Variants in MAP6D1 observed in about 807,000 individuals in gnomAD.
The protein encoded by MAP6D1 is MAP6 domain-containing protein 1.
A neutral mutation model predicts 17.4 loss-of-function variants in MAP6D1; 13 were observed. The observed-to-expected ratio is 0.75, with a 90% CI of 0.49 to 1.19. The LOEUF is 1.19. Among genes scored for constraint, MAP6D1 ranks in the 50% most tolerant of loss-of-function variants. MAP6D1 has a pLI of 0.00. For synonymous variants in MAP6D1, 141 were observed against 145.7 expected (o/e 0.97, Z 0.23); for missense variants, 313 against 312.6 (o/e 1.00, Z -0.01).
Position 183,825,277 on chromosome 3 carries a change from G to A in MAP6D1, c.271C>T (p.Pro91Ser), listed in dbSNP as rs1162352794. Residue 91 changes from proline to serine, a missense_variant, in exon 1 of 3, where the codon CCG becomes TCG. By Grantham distance (74) the Pro-to-Ser change is moderately conservative. Transcript: ENST00000318631. ...TTGCCCCTGCGGCCGCCCGCCCCCG[G>A]TCCGCGCCCCGGCGGCGGATCCTTG... Reference protein sequence around the residue: ...GPKDPPPGRGPGAGGRRGKSS... With the variant: ...GPKDPPPGRGSGAGGRRGKSS... 4 of 1,342,622 alleles carry A rather than the reference G, an allele frequency of 3.0e-6. No homozygotes were observed. Among genetic ancestry groups the A allele is most frequent in the East Asian group, 3.1e-5 (1 of 32,084 alleles). The allele number at this position is 1,342,622 out of a possible 1,614,324, so 83.2% of individuals were successfully genotyped here. A position where few individuals can be genotyped will look rare whatever the true frequency, so the allele number is the denominator to read the frequency against.
chr3:183,817,838 T>A (rs1727152589), intron 2 of MAP6D1, among the ~76,000 whole-genome samples, 156 bp downstream of exon 2: 1 of 152,210 alleles, frequency 6.6e-6, no homozygotes, highest in South Asian at 2.1e-4. Context: ...TGGCTACTGA[T>A]GAGGAAGTAC....
intron 1 of MAP6D1, among the ~76,000 whole-genome samples, chr3:183,822,428 C>G (rs1727282947): frequency 6.6e-6 from 1 of 151,816 alleles, no homozygotes. Flanking sequence ...GCAACAGCAG[C>G]AACAACAACA....
intron 1 of MAP6D1, among the ~76,000 whole-genome samples, chr3:183,818,499 G>C (rs552155040): frequency 6.6e-6 from 1 of 152,268 alleles, no homozygotes; most frequent in South Asian, 2.1e-4. Flanking sequence ...TCTTGGAGAC[G>C]AGCAGCCCCG....
chr3:183,818,509 G>A (rs919816747), intron 1 of MAP6D1, among the ~76,000 whole-genome samples: 6 of 152,122 alleles, frequency 3.9e-5, no homozygotes, highest in African/African-American at 1.2e-4. Context: ...GAGCAGCCCC[G>A]GTGCTATACC....
chr3:183,823,432 T>TC (rs1727304433), intron 1 of MAP6D1, among the ~76,000 whole-genome samples: 1 of 151,624 alleles, frequency 6.6e-6, no homozygotes, highest in African/African-American at 2.4e-5. Context: ...AAACCCCATC[T>TC]CTACTAAAAA....
chr3:183,818,137 C>T, intron 1 of MAP6D1, 26 bp from the exon 2 acceptor site: 1 of 1,599,562 alleles, frequency 6.3e-7, no homozygotes, highest in Non-Finnish European at 8.6e-7. Context: ...CGGTCACAAG[C>T]TTGCACAGGG....
chr3:183,818,338 C>T (rs766334942), intron 1 of MAP6D1, among the ~76,000 whole-genome samples: 1 of 152,222 alleles, frequency 6.6e-6, no homozygotes, highest in African/African-American at 2.4e-5. Context: ...CTCACCTCAG[C>T]GATCCACTGG....
At position 183,825,525 on chromosome 3, in the gene MAP6D1, C is replaced by G; in HGVS notation, c.23G>C (p.Arg8Pro). ...CCAGCGCCGCGCCAGGCAGCACAGG[C>G]GGCTGATACAGGGCCACGCCATGCC... MAWPCISRLCCLARRWNQ... is the reference protein window; with the variant it reads MAWPCISPLCCLARRWNQ... Residue 8 changes from arginine (R) to proline (P), a missense_variant, in exon 1 of 3, where the codon CGC (arginine) becomes CCC (proline). Coordinates refer to ENST00000318631, the MANE Select transcript of MAP6D1 (RefSeq NM_024871.4). 1 of 1,381,752 alleles carries G rather than the reference C, an allele frequency of 7.2e-7. No homozygotes were observed. Among genetic ancestry groups the G allele is most frequent in the South Asian group, 1.6e-5 (1 of 63,828 alleles). 85.6% of individuals were successfully genotyped at this position (1,381,752 alleles called of 1,614,324 possible).
In MAP6D1 at chr3:183,818,114, G is replaced by C. The variant is rs2313446; in HGVS notation, c.402-3C>G. 3 of 1,612,740 alleles carry C rather than the reference G, an allele frequency of 1.9e-6. No individual in the cohort carries two copies. The Admixed American group carries it at 5.0e-5, about 27-fold the overall frequency. On this transcript the variant is annotated splice_region_variant and splice_polypyrimidine_tract_variant and intron_variant, in intron 1 of 2. Coordinates refer to ENST00000318631, the MANE Select transcript of MAP6D1 (RefSeq NM_024871.4). Reference sequence around the variant, plus strand: ...CAGTCCAAGCCTGGAATTCCTGTCTGGAACAGAGAACACGGTCACAAGCTT... The same window carrying C: ...CAGTCCAAGCCTGGAATTCCTGTCTCGAACAGAGAACACGGTCACAAGCTT...
At position 183,817,181 on chromosome 3, in the gene MAP6D1, G is replaced by C. The variant is rs761059739; in HGVS notation, c.*175C>G. 3.2e-6 allele frequency: 2 copies of C among 620,192 alleles called. No individual in the cohort carries two copies. The highest frequency in any genetic ancestry group is 5.7e-6 in the Non-Finnish European group (2 of 351,276). The allele number at this position is 620,192 out of a possible 1,614,324, so 38.4% of individuals were successfully genotyped here. On this transcript the variant is annotated 3_prime_UTR_variant, in exon 3 of 3. Coordinates refer to ENST00000318631, the MANE Select transcript of MAP6D1 (RefSeq NM_024871.4). ...CTTGAGGCTGAGCTGGGTGTGCCAA[G>C]TCCATCGGTGCATCTGCTCCACACC...
chr3:183,818,652 C>T (rs566745661), intron 1 of MAP6D1, among the ~76,000 whole-genome samples: 97 of 152,326 alleles, frequency 6.4e-4, no homozygotes, highest in East Asian at 2.5e-3. Context: ...TTGCCAGACC[C>T]GCTTAAGACT....
intron 2 of MAP6D1, 97 bp downstream of exon 2, chr3:183,817,897 T>C (rs1727154123): frequency 5.2e-6 from 5 of 959,814 alleles, no homozygotes; most frequent in Non-Finnish European, 8.2e-6. Flanking sequence ...TCCCTGGTCA[T>C]AATTGCATTT....
intron 1 of MAP6D1, among the ~76,000 whole-genome samples, chr3:183,824,770 C>A (rs80293073): frequency 6.6e-6 from 1 of 152,222 alleles, no homozygotes; most frequent in African/African-American, 2.4e-5. Context: ...CCGGAGAGAG[C>A]TGGGGGACAT....
intron 2 of MAP6D1, 147 bp from the exon 3 acceptor site, chr3:183,817,583 C>T: frequency 1.4e-6 from 1 of 701,798 alleles, no homozygotes; most frequent in Non-Finnish European, 2.4e-6. Context: ...GACTTGCCCA[C>T]CGTGAGCCAT....
At chr3:183,825,104 A>G in intron 1 of MAP6D1, 43 bp downstream of exon 1, 1 of 1,325,924 alleles carries the variant, frequency 7.5e-7, no homozygotes, top group Non-Finnish European at 9.7e-7. Flanking sequence ...GCGTCCTCCC[A>G]CCACAGGGTG....
chr3:183,818,446 C>G (rs962850063), intron 1 of MAP6D1, among the ~76,000 whole-genome samples: 3 of 152,180 alleles, frequency 2.0e-5, no homozygotes, highest in Admixed American at 6.5e-5. Context: ...TCAGTTAGCA[C>G]CTGGGTCTCA....
rs1358048859 is a variant in MAP6D1, at chr3:183,825,539, C to A, written c.9G>T (p.Trp3Cys). 1.6e-6 allele frequency: 2 copies of A among 1,246,696 alleles called. No individual in the cohort carries two copies. The highest frequency in any genetic ancestry group is 3.2e-5 in the South Asian group (1 of 31,688). The allele number at this position is 1,246,696 out of a possible 1,614,324, so 77.2% of individuals were successfully genotyped here. The change falls in exon 1 of 3, where the codon TGG becomes TGT. Residue 3 changes from tryptophan (W) to cysteine (C), a missense_variant. Coordinates refer to ENST00000318631, the MANE Select transcript of MAP6D1 (RefSeq NM_024871.4). MA[W>C]PCISRLCCLA... ...GGCAGCACAGGCGGCTGATACAGGGCCACGCCATGCCAGCCCCGGCGCCCG... is the reference window on the plus strand; with the variant it reads ...GGCAGCACAGGCGGCTGATACAGGGACACGCCATGCCAGCCCCGGCGCCCG...
chr3:183,825,395 G>T lies in MAP6D1; in HGVS notation c.153C>A (p.Gly51=). ...AATCCCGGGCGCCCGCGGGAGGCTG[G>T]CCCCTGCGCGAGGCGGCGCCGCCCG... is the stretch of plus-strand genomic sequence containing the variant. ...PGTGGAASRR[G]QPPAGARDSG... The change falls in exon 1 of 3, where the codon GGC becomes GGA. Residue 51 remains glycine (G), a synonymous_variant. Coordinates refer to ENST00000318631, the MANE Select transcript of MAP6D1 (RefSeq NM_024871.4). 4 of 1,446,438 alleles carry T rather than the reference G, an allele frequency of 2.8e-6. No individual in the cohort carries two copies. The highest frequency in any genetic ancestry group is 3.6e-6 in the Non-Finnish European group (4 of 1,103,016). The allele number at this position is 1,446,438 out of a possible 1,614,324, so 89.6% of individuals were successfully genotyped here.
chr3:183,825,126 CG>C lies in MAP6D1; in HGVS notation c.401+20del. On this transcript the variant is annotated intron_variant, in intron 1 of 2. Coordinates refer to ENST00000318631, the MANE Select transcript of MAP6D1 (RefSeq NM_024871.4). ...CCCACCACAGGGTGGGGACTCGTTG[CG>C]GTCCCTACCCAGCCCATACCTGTAC... 7.3e-7 allele frequency: 1 copy of C among 1,374,278 alleles called. No homozygotes were observed. The highest frequency in any genetic ancestry group is 1.8e-5 in the South Asian group (1 of 56,782). The allele number at this position is 1,374,278 out of a possible 1,614,324, so 85.1% of individuals were successfully genotyped here. A position where few individuals can be genotyped will look rare whatever the true frequency, so the allele number is the denominator to read the frequency against.
Sources: gnomAD v4.1 joint callset for allele counts (sites outside exome capture counted in the v4.1 genomes callset) on GRCh38, gnomAD v4.1.1 for gene constraint, MANE v1.5 for transcripts, NCBI Gene and HGNC (gene_info 2026-07-23, HGNC 2026-07-21) for gene names.